ANO4: variants seen among roughly 807,000 people sequenced by gnomAD.
The protein encoded by ANO4 is anoctamin 4.
A neutral mutation model predicts 141.9 loss-of-function variants in ANO4; 69 were observed. The observed-to-expected ratio is 0.49, with a 90% CI of 0.40 to 0.59. ANO4 has a LOEUF of 0.59. Ranked by LOEUF, ANO4 falls within the 20% of genes least tolerant of loss-of-function variation. ANO4 has a pLI of 0.00. For synonymous variants in ANO4, 350 were observed against 394.3 expected, an observed-to-expected ratio of 0.89 and a Z score of 1.33; for missense variants, 894 against 1,162.2, an observed-to-expected ratio of 0.77 and a Z score of 3.36.
Position 101,127,004 on chromosome 12 carries a change from A to G in ANO4, c.2802A>G (p.Glu934=). Residue 934 remains glutamate, a synonymous_variant, in exon 27 of 28, where the codon GAA becomes GAG. Coordinates refer to ENST00000392977, the MANE Select transcript of ANO4 (RefSeq NM_001286615.2). The stretch of plus-strand genomic sequence containing the variant: ...AGATGATGTATGAAGCAGAACTGGA[A>G]CGTCTCCAGAAGGAACGAAAGGAGA... ...IQEMMYEAEL[E]RLQKERKERK... 1.2e-6 allele frequency: 2 copies of G among 1,614,200 alleles called. No homozygotes were observed. Among genetic ancestry groups the G allele is most frequent in the South Asian group, 1.1e-5 (1 of 91,082 alleles).
Position 101,055,249 on chromosome 12 carries a change from G to A in ANO4, c.1312+6848G>A, listed in dbSNP as rs971623694. Among the ~76,000 whole-genome samples, 92 of 152,198 alleles carry A rather than the reference G, an allele frequency of 6.0e-4. 1 individual carries two copies. The highest frequency in any genetic ancestry group is 2.1e-3 in the African/African-American group (88 of 41,462). On this transcript the variant is annotated intron_variant, in intron 14 of 27. Coordinates refer to ENST00000392977, the MANE Select transcript of ANO4 (RefSeq NM_001286615.2). ...GATAAGTGAATGCCTAACTTAGTAA[G>A]AAATTGTTTCCCAAAGTGGCCATAT...
intron 1 of ANO4, among the ~76,000 whole-genome samples, chr12:100,871,439 G>T (rs773852798): frequency 1.6e-4 from 25 of 152,116 alleles, no homozygotes; most frequent in African/African-American, 5.8e-4. Context: ...ACTGCTAAAG[G>T]CAATCAGCTG....
chr12:100,986,247 G>C (rs1156901759), intron 7 of ANO4, among the ~76,000 whole-genome samples: 1 of 152,128 alleles, frequency 6.6e-6, no homozygotes, highest in African/African-American at 2.4e-5. Flanking sequence ...TTAAGAAGGA[G>C]GCCTAGGAAA....
At chr12:101,008,338 A>C (rs140828599) in intron 8 of ANO4, among the ~76,000 whole-genome samples, 1 of 152,114 alleles carries the variant, frequency 6.6e-6, no homozygotes, top group Non-Finnish European at 1.5e-5. Flanking sequence ...TTACCTGTTT[A>C]TTTTGGCAAT....
At chr12:100,756,021 G>A (rs2032593324) in intron 3 of ANO4, among the ~76,000 whole-genome samples, 2 of 152,134 alleles carry the variant, frequency 1.3e-5, no homozygotes, top group African/African-American at 4.8e-5. Flanking sequence ...TCAAGTCAGG[G>A]AGTCTTCACA....
intron 9 of ANO4, among the ~76,000 whole-genome samples, chr12:101,029,458 G>A (rs1334437697): frequency 6.6e-6 from 1 of 152,034 alleles, no homozygotes; most frequent in African/African-American, 2.4e-5. Context: ...GACCCCCATA[G>A]GCTCAAAATA....
At chr12:100,932,227 G>A (rs955251510) in intron 3 of ANO4, among the ~76,000 whole-genome samples, 3 of 151,984 alleles carry the variant, frequency 2.0e-5, no homozygotes, top group African/African-American at 4.8e-5. Flanking sequence ...CTTCTATACT[G>A]TAATATCAAG....
chr12:100,792,591 G>A (rs1400872500), upstream of ANO4, among the ~76,000 whole-genome samples: 1 of 152,178 alleles, frequency 6.6e-6, no homozygotes. Flanking sequence ...GGAATAAAGA[G>A]ACCGAACTTT....
chr12:101,102,083 CA>C (rs957235104), intron 22 of ANO4, among the ~76,000 whole-genome samples: 5 of 146,116 alleles, frequency 3.4e-5, no homozygotes, highest in African/African-American at 5.0e-5. Context: ...AACTCCGTCT[CA>C]AAAAAAAAAG....
At chr12:100,949,858 A>G (rs2042897916) in intron 5 of ANO4, among the ~76,000 whole-genome samples, 1 of 152,218 alleles carries the variant, frequency 6.6e-6, no homozygotes, top group Non-Finnish European at 1.5e-5. Context: ...TCAGAGCTAA[A>G]CAACAATAGT....
chr12:100,947,890 G>C (rs2136194597), intron 5 of ANO4, among the ~76,000 whole-genome samples: 1 of 152,178 alleles, frequency 6.6e-6, no homozygotes, highest in African/African-American at 2.4e-5. Flanking sequence ...CAGGGTTAAA[G>C]AAGTTAGGAG....
chr12:100,804,704 G>A (rs949522647), intron 1 of ANO4, among the ~76,000 whole-genome samples: 3 of 152,200 alleles, frequency 2.0e-5, no homozygotes, highest in Admixed American at 6.5e-5. Context: ...AATGATCAGC[G>A]ATGCTGAGTT....
chr12:100,903,785 C>T (rs575392089), intron 2 of ANO4, among the ~76,000 whole-genome samples: 1 of 152,342 alleles, frequency 6.6e-6, no homozygotes, highest in Non-Finnish European at 1.5e-5. Flanking sequence ...ATCTCCTTTA[C>T]ATAAAGTCAA....
At chr12:100,837,472 G>A (rs2036989836) in intron 1 of ANO4, among the ~76,000 whole-genome samples, 1 of 152,078 alleles carries the variant, frequency 6.6e-6, no homozygotes, top group Non-Finnish European at 1.5e-5. Context: ...TTTGGGAGAT[G>A]TCTTATCAAA....
chr12:100,999,156 C>T (rs1484369705), intron 8 of ANO4, among the ~76,000 whole-genome samples: 2 of 152,230 alleles, frequency 1.3e-5, no homozygotes, highest in Non-Finnish European at 2.9e-5. Context: ...CAAAATTTAT[C>T]ATCTTACAAT....
chr12:100,946,653 A>T (rs2042736210), intron 5 of ANO4, among the ~76,000 whole-genome samples: 1 of 152,196 alleles, frequency 6.6e-6, no homozygotes, highest in South Asian at 2.1e-4. Flanking sequence ...AGATATCCCA[A>T]TGGAGATGTT....
chr12:100,755,446 G>A (rs1441594706), intron 3 of ANO4, among the ~76,000 whole-genome samples: 2 of 152,152 alleles, frequency 1.3e-5, no homozygotes, highest in South Asian at 2.1e-4. Context: ...TTGCCAGATG[G>A]TGAGCACCAT....
rs543471889 is a variant in ANO4 at position 100,824,805 on chromosome 12, A to T, written c.-141+29778A>T. On this transcript the variant is annotated intron_variant, in intron 1 of 27. Transcript: ENST00000392977. Reference sequence around the variant, plus strand: ...GTTGTCATAGAAACCCCCATGCCATATATTTTGTTTTAATTTGAGTATTGG... The same window carrying T: ...GTTGTCATAGAAACCCCCATGCCATTTATTTTGTTTTAATTTGAGTATTGG... 3.0e-4 allele frequency among the ~76,000 whole-genome samples: 45 copies of T among 152,148 alleles called. 1 individual carries two copies. Among genetic ancestry groups the T allele is most frequent in the Admixed American group, 1.8e-3 (28 of 15,264 alleles).
At chr12:100,865,778 G>A (rs1235830521) in intron 1 of ANO4, among the ~76,000 whole-genome samples, 1 of 152,198 alleles carries the variant, frequency 6.6e-6, no homozygotes, top group Non-Finnish European at 1.5e-5. Context: ...TTGCAAAGGT[G>A]TGGGTATCGT....
Sources: gnomAD v4.1 joint callset for allele counts (sites outside exome capture counted in the v4.1 genomes callset) on GRCh38, gnomAD v4.1.1 for gene constraint, MANE v1.5 for transcripts, NCBI Gene and HGNC (gene_info 2026-07-23, HGNC 2026-07-21) for gene names.